Variants in CARMIL1 observed in about 807,000 individuals in gnomAD.
CARMIL1 encodes capping protein regulator and myosin 1 linker 1.
In CARMIL1, 90 loss-of-function variants were observed where a neutral mutation model predicts 177.1. That is an observed-to-expected ratio of 0.51 (90% CI 0.43 to 0.61). The LOEUF (loss-of-function observed/expected upper bound fraction) is 0.61, where lower values mean the gene tolerates loss of function less well. Ranked by LOEUF, CARMIL1 falls within the 20% of genes least tolerant of loss-of-function variation. The pLI is 0.00. For missense variants in CARMIL1, 1,380 were observed against 1,667.0 expected (o/e 0.83, Z 3.00); for synonymous variants, 577 against 606.2 (o/e 0.95, Z 0.71).
chr6:25,385,246 A>G (rs571695918), intron 2 of CARMIL1, among the ~76,000 whole-genome samples: 2 of 152,224 alleles, frequency 1.3e-5, no homozygotes, highest in Non-Finnish European at 1.5e-5. Context: ...CAAGGCCAAG[A>G]GTGGTGAGAG....
intron 2 of CARMIL1, among the ~76,000 whole-genome samples, chr6:25,286,708 A>G (rs754832758): frequency 2.6e-5 from 4 of 152,202 alleles, no homozygotes; most frequent in South Asian, 2.1e-4. Context: ...GGTTGCTATG[A>G]CAGTCTAAAA....
intron 2 of CARMIL1, among the ~76,000 whole-genome samples, chr6:25,337,735 A>G (rs889201624): frequency 2.0e-5 from 3 of 152,262 alleles, no homozygotes; most frequent in African/African-American, 7.2e-5. Context: ...TTTGTTGCAT[A>G]GTAAAATGAA....
chr6:25,313,971 A>G (rs997163723), intron 2 of CARMIL1, among the ~76,000 whole-genome samples: 4 of 151,396 alleles, frequency 2.6e-5, no homozygotes, highest in South Asian at 2.1e-4. Flanking sequence ...ATGTTCAGTT[A>G]TTGATTCTAT....
chr6:25,466,053 TAC>T, intron 9 of CARMIL1, 105 bp downstream of exon 9: 1 of 730,800 alleles, frequency 1.4e-6, no homozygotes, highest in Non-Finnish European at 2.4e-6. Flanking sequence ...GTAAGCTGTA[TAC>T]ATTTTATTTC....
intron 17 of CARMIL1, among the ~76,000 whole-genome samples, chr6:25,501,759 C>T (rs1191722766): frequency 1.3e-5 from 2 of 151,948 alleles, no homozygotes; most frequent in Admixed American, 1.3e-4. Flanking sequence ...TTTTGTATTT[C>T]CCCTATCTCC....
At chr6:25,362,520 C>T (rs1416716861) in intron 2 of CARMIL1, among the ~76,000 whole-genome samples, 1 of 151,954 alleles carries the variant, frequency 6.6e-6, no homozygotes, top group Non-Finnish European at 1.5e-5. Flanking sequence ...ACTAAAATTA[C>T]AAAATTATCT....
At chr6:25,382,882 G>A (rs1415743991) in intron 2 of CARMIL1, among the ~76,000 whole-genome samples, 2 of 152,182 alleles carry the variant, frequency 1.3e-5, no homozygotes, top group African/African-American at 4.8e-5. Flanking sequence ...TGATCTGCCT[G>A]CCTGGGCCTC....
intron 2 of CARMIL1, among the ~76,000 whole-genome samples, chr6:25,390,324 T>A (rs200777273): frequency 0.021 from 2,233 of 106,308 alleles, 57 homozygotes; most frequent in African/African-American, 0.062. Context: ...ATATATATTT[T>A]TTTTTTTTTT....
At chr6:25,355,024 C>T (rs1038401054) in intron 2 of CARMIL1, among the ~76,000 whole-genome samples, 1 of 152,172 alleles carries the variant, frequency 6.6e-6, no homozygotes, top group Non-Finnish European at 1.5e-5. Context: ...TCCAAATATT[C>T]TGGAGGGATG....
intron 2 of CARMIL1, among the ~76,000 whole-genome samples, chr6:25,337,407 T>C (rs1983579): frequency 0.45 from 68,692 of 152,082 alleles, 15,725 homozygotes; most frequent in East Asian, 0.55. Context: ...TAATCGGGCA[T>C]ATGTCTTCTA....
chr6:25,441,281 C>CA lies in CARMIL1; in HGVS notation c.371+5678dup, dbSNP rs553669510. 5.7e-4 allele frequency among the ~76,000 whole-genome samples: 83 copies of CA among 146,294 alleles called. 2 individuals are homozygous for CA. The East Asian group carries it at 0.015, about 27-fold the overall frequency. ...CACCACTACACTCCAGCCTGGGTGA[C>CA]AGAGTAAGACCACATCTCAAAACAA... On this transcript the variant is annotated intron_variant, in intron 5 of 36. Transcript: ENST00000329474.
At chr6:25,365,304 A>G (rs966023107) in intron 2 of CARMIL1, among the ~76,000 whole-genome samples, 5 of 152,170 alleles carry the variant, frequency 3.3e-5, no homozygotes, top group Non-Finnish European at 5.9e-5. Context: ...GAATCCATGT[A>G]TAGGCATCTT....
chr6:25,324,297 C>T (rs1369741179), intron 2 of CARMIL1, among the ~76,000 whole-genome samples: 3 of 151,586 alleles, frequency 2.0e-5, no homozygotes, highest in Non-Finnish European at 4.4e-5. Context: ...TCAGAGTTCA[C>T]AGTGCAAAGC....
chr6:25,294,374 T>C (rs1000453728), intron 2 of CARMIL1, among the ~76,000 whole-genome samples: 2 of 152,210 alleles, frequency 1.3e-5, no homozygotes, highest in Admixed American at 6.5e-5. Context: ...TATTGAGACC[T>C]TGCCCTCATT....
intron 28 of CARMIL1, among the ~76,000 whole-genome samples, chr6:25,556,012 G>A (rs1304546816): frequency 1.3e-5 from 2 of 152,054 alleles, no homozygotes; most frequent in East Asian, 3.8e-4. Context: ...CTCATATGAA[G>A]GAAATACTGT....
At chr6:25,590,544 A>G (rs1814193096) in intron 31 of CARMIL1, among the ~76,000 whole-genome samples, 1 of 152,160 alleles carries the variant, frequency 6.6e-6, no homozygotes, top group African/African-American at 2.4e-5. Context: ...GGAACAGTTT[A>G]CATATAATAG....
Position 25,404,098 on chromosome 6 carries a change from C to T in CARMIL1, c.139-16016C>T, listed in dbSNP as rs570142390. Among the ~76,000 whole-genome samples the T allele has an allele frequency of 9.2e-5, 14 of 152,296 alleles. No homozygotes were observed. The East Asian group carries it at 2.7e-3, about 29-fold the overall frequency. On this transcript the variant is annotated intron_variant, in intron 2 of 36. Transcript: ENST00000329474. Reference sequence around the variant, plus strand: ...ACATCCTCTGGTGTAACCCTGCCTCCCCTCCACTTCTAAGATTACTCTGGT... The same window carrying T: ...ACATCCTCTGGTGTAACCCTGCCTCTCCTCCACTTCTAAGATTACTCTGGT...
intron 8 of CARMIL1, among the ~76,000 whole-genome samples, chr6:25,463,819 CTT>C (rs68160209): frequency 2.8e-5 from 3 of 108,510 alleles, no homozygotes; most frequent in Non-Finnish European, 3.6e-5. Context: ...AGTTGTTCTC[CTT>C]TTTTTTTTTT....
At chr6:25,392,406 G>C (rs1434224899) in intron 2 of CARMIL1, among the ~76,000 whole-genome samples, 3 of 152,130 alleles carry the variant, frequency 2.0e-5, no homozygotes, top group African/African-American at 7.2e-5. Context: ...ATTGTTCCCA[G>C]TTGGCTCAGA....
Sources: allele counts gnomAD v4.1 joint callset (sites outside exome capture counted in the v4.1 genomes callset), GRCh38; gene constraint gnomAD v4.1.1; transcripts MANE v1.5; gene names NCBI Gene and HGNC (gene_info 2026-07-23, HGNC 2026-07-21).